Variants in EYS observed in about 807,000 individuals in gnomAD.
The protein encoded by EYS is EGF-like photoreceptor maintenance factor, also known as protein eyes shut homolog.
EYS carries 250 observed loss-of-function variants against 282.1 expected under a neutral mutation model. The ratio of observed to expected loss-of-function variants is 0.89; its 90% confidence interval spans 0.80 to 0.98. The LOEUF is 0.98. Among genes scored for constraint, EYS ranks in the 50% least tolerant of loss-of-function variants. EYS has a pLI of 0.00. For synonymous variants in EYS, 1,355 were observed against 1,282.9 expected, an observed-to-expected ratio of 1.06 and a Z score of -1.20; for missense variants, 4,016 against 3,709.0, an observed-to-expected ratio of 1.08 and a Z score of -2.15.
At chr6:64,378,983 C>T (rs976797452) in intron 29 of EYS, among the ~76,000 whole-genome samples, 1 of 152,102 alleles carries the variant, frequency 6.6e-6, no homozygotes, top group African/African-American at 2.4e-5. Context: ...TTTCTGTCTT[C>T]GAAGGAGCAG....
At chr6:64,195,270 A>G (rs181217197) in intron 31 of EYS, among the ~76,000 whole-genome samples, 44 of 152,300 alleles carry the variant, frequency 2.9e-4, no homozygotes, top group African/African-American at 1.0e-3. Flanking sequence ...CTCGATTTAA[A>G]AAATGCAATT....
At chr6:63,893,040 A>T (rs321514) in intron 35 of EYS, among the ~76,000 whole-genome samples, 11 of 152,174 alleles carry the variant, frequency 7.2e-5, no homozygotes, top group South Asian at 4.1e-4. Context: ...ACCACCTTAC[A>T]CCAGTTAGAA....
chr6:65,063,221 T>G (rs1319986871), intron 12 of EYS, among the ~76,000 whole-genome samples: 1 of 152,044 alleles, frequency 6.6e-6, no homozygotes, highest in Non-Finnish European at 1.5e-5. Context: ...TTTATGAATA[T>G]CATTATTAAA....
chr6:65,651,833 G>C (rs1307439874), intron 1 of EYS, among the ~76,000 whole-genome samples: 3 of 151,944 alleles, frequency 2.0e-5, no homozygotes, highest in Non-Finnish European at 4.4e-5. Flanking sequence ...TATATTTTCA[G>C]TGCTATATTA....
chr6:65,340,300 T>C (rs1463265111), intron 10 of EYS, among the ~76,000 whole-genome samples: 1 of 151,258 alleles, frequency 6.6e-6, no homozygotes, highest in Admixed American at 6.6e-5. Flanking sequence ...TGTAATTATG[T>C]GTTTCCATTC....
intron 22 of EYS, among the ~76,000 whole-genome samples, chr6:64,676,324 ATATATC>A (rs1382535718): frequency 2.1e-5 from 3 of 145,774 alleles, no homozygotes; most frequent in East Asian, 2.0e-4. Flanking sequence ...ATCTATATAT[ATATATC>A]TATATATCTA....
At chr6:63,852,369 A>G (rs539557588) in intron 36 of EYS, among the ~76,000 whole-genome samples, 73 of 152,236 alleles carry the variant, frequency 4.8e-4, no homozygotes, top group African/African-American at 1.6e-3. Flanking sequence ...CAAATAAACT[A>G]GAAAATCTTT....
At chr6:63,894,295 G>T (rs1330484364) in intron 35 of EYS, among the ~76,000 whole-genome samples, 1 of 152,082 alleles carries the variant, frequency 6.6e-6, no homozygotes, top group African/African-American at 2.4e-5. Context: ...ATTAGGGTGG[G>T]TGTTAAATCC....
chr6:63,863,365 T>C (rs1489260014), intron 36 of EYS, among the ~76,000 whole-genome samples: 1 of 152,192 alleles, frequency 6.6e-6, no homozygotes, highest in Admixed American at 6.5e-5. Context: ...GGATTTCTCA[T>C]ACTGAATTTT....
intron 22 of EYS, among the ~76,000 whole-genome samples, chr6:64,657,684 C>T (rs1768802961): frequency 6.6e-6 from 1 of 152,110 alleles, no homozygotes; most frequent in African/African-American, 2.4e-5. Flanking sequence ...ATATTGGCCC[C>T]CACTCTCTTC....
At chr6:65,153,447 A>G (rs1424153331) in intron 12 of EYS, among the ~76,000 whole-genome samples, 1 of 151,304 alleles carries the variant, frequency 6.6e-6, no homozygotes, top group East Asian at 2.0e-4. Context: ...ATTTTTGTGC[A>G]GCAATAGATA....
At position 64,306,962 on chromosome 6, in the gene EYS, T is replaced by C. The variant is rs1354489200; in HGVS notation, c.6191+8A>G. The C allele has an allele frequency of 1.5e-6, 2 of 1,300,444 alleles. No homozygotes were observed. Among genetic ancestry groups the C allele is most frequent in the East Asian group, 2.5e-5 (1 of 39,642 alleles). The allele number at this position is 1,300,444 out of a possible 1,614,324, so 80.6% of individuals were successfully genotyped here. ...AAGTTATTAGAAAAATCACTACTGC[T>C]ATTTTACCTGCAATTGTTAATGTGA... is the stretch of plus-strand genomic sequence containing the variant. On this transcript the variant is annotated splice_region_variant and intron_variant, in intron 30 of 42. Transcript: ENST00000503581.
chr6:64,884,594 C>T (rs1767028237), intron 19 of EYS, among the ~76,000 whole-genome samples: 1 of 151,016 alleles, frequency 6.6e-6, no homozygotes, highest in Non-Finnish European at 1.5e-5. Flanking sequence ...CCAGAGAAGG[C>T]TAAGAAAAAT....
At chr6:63,744,521 T>C (rs569660654) in intron 41 of EYS, 1 of 152,262 alleles carries the variant, frequency 6.6e-6, no homozygotes, top group African/African-American at 2.4e-5. Context: ...CTTTCTTCTA[T>C]AGTTTTTAAT....
chr6:64,248,037 T>C (rs1237699610), intron 30 of EYS, among the ~76,000 whole-genome samples: 1 of 152,138 alleles, frequency 6.6e-6, no homozygotes, highest in Non-Finnish European at 1.5e-5. Flanking sequence ...CCAGAAGGAC[T>C]TGGCTAGGAG....
intron 29 of EYS, among the ~76,000 whole-genome samples, chr6:64,313,464 A>G (rs1022867702): frequency 3.5e-4 from 54 of 152,154 alleles, no homozygotes; most frequent in African/African-American, 1.3e-3. Flanking sequence ...ACTCTGCAGG[A>G]TATTATCCAG....
intron 28 of EYS, among the ~76,000 whole-genome samples, chr6:64,403,354 AC>A (rs766291366): frequency 2.4e-4 from 36 of 152,200 alleles, no homozygotes; most frequent in Non-Finnish European, 3.2e-4. Flanking sequence ...GATAAAAAAA[AC>A]AAAGTAATTT....
intron 29 of EYS, among the ~76,000 whole-genome samples, chr6:64,382,772 G>T (rs141658652): frequency 6.6e-6 from 1 of 152,300 alleles, no homozygotes; most frequent in Non-Finnish European, 1.5e-5. Flanking sequence ...CAGATCCAGG[G>T]ACAGGCCCTT....
rs147011924 is a variant in EYS at position 65,665,794 on chromosome 6, C to T, written c.-447-25902G>A. On this transcript the variant is annotated intron_variant, in intron 1 of 42. Coordinates refer to ENST00000503581, the MANE Select transcript of EYS (RefSeq NM_001142800.2). Reference sequence around the variant, plus strand: ...ACCACCAGAACTAAATTTACATAACCATGATAAATAAATCTCTAAATAAGA... The same window carrying T: ...ACCACCAGAACTAAATTTACATAACTATGATAAATAAATCTCTAAATAAGA... Among the ~76,000 whole-genome samples the T allele has an allele frequency of 8.5e-5, 13 of 152,082 alleles. No individual in the cohort carries two copies. In the East Asian group the frequency reaches 2.1e-3, roughly 25 times the overall value.
Sources: gnomAD v4.1 joint callset for allele counts (sites outside exome capture counted in the v4.1 genomes callset) on GRCh38, gnomAD v4.1.1 for gene constraint, MANE v1.5 for transcripts, NCBI Gene and HGNC (gene_info 2026-07-23, HGNC 2026-07-21) for gene names.